The following PLEKHA6 variants were observed in gnomAD, a reference collection of about 807,000 sequenced individuals.
PLEKHA6 encodes the protein pleckstrin homology domain-containing family A member 6.
Under a neutral mutation model 116.7 loss-of-function variants are expected in PLEKHA6, and 60 were observed. That is an observed-to-expected ratio of 0.51 (90% CI 0.42 to 0.64). PLEKHA6 has a LOEUF of 0.64. Ranked by LOEUF, PLEKHA6 falls within the 30% of genes least tolerant of loss-of-function variation. The pLI is 0.00. For missense variants in PLEKHA6, 1,338 were observed against 1,422.7 expected, an observed-to-expected ratio of 0.94 and a Z score of 0.96; for synonymous variants, 489 against 556.1, an observed-to-expected ratio of 0.88 and a Z score of 1.70.
At chr1:204,363,104 C>T (rs966052836), upstream of PLEKHA6, among the ~76,000 whole-genome samples, 8 of 152,378 alleles carry the variant, frequency 5.3e-5, no homozygotes, top group Non-Finnish European at 1.0e-4. Context: ...GTCCTGTCTG[C>T]CTTCTGGAGA....
At chr1:204,337,785 G>A (rs909832396) in intron 1 of PLEKHA6, among the ~76,000 whole-genome samples, 19 of 152,136 alleles carry the variant, frequency 1.2e-4, no homozygotes, top group African/African-American at 3.6e-4. Flanking sequence ...TGGGAGGCAC[G>A]TACCACAATA....
At position 204,244,958 on chromosome 1, in the gene PLEKHA6, C is replaced by T; in HGVS notation, c.2078G>A (p.Ser693Asn). 6.8e-7 allele frequency: 1 copy of T among 1,468,840 alleles called. No individual in the cohort carries two copies. The highest frequency in any genetic ancestry group is 9.0e-7 in the Non-Finnish European group (1 of 1,107,820). 91.0% of individuals were successfully genotyped at this position (1,468,840 alleles called of 1,614,324 possible). ...SATYSSNSPA[S>N]PLSSASLTSP... Reference sequence around the variant, plus strand: ...GGTGAGGCTGGCAGAGCTGAGGGGGCTGGCCGGGCTGTTGGAGCTGTAGGT... The same window carrying T: ...GGTGAGGCTGGCAGAGCTGAGGGGGTTGGCCGGGCTGTTGGAGCTGTAGGT... Residue 693 changes from serine (S) to asparagine (N), a missense_variant, in exon 15 of 23, where the codon AGC becomes AAC. By Grantham distance (46) the Ser-to-Asn change is conservative. Coordinates refer to ENST00000272203, the MANE Select transcript of PLEKHA6 (RefSeq NM_014935.5).
At chr1:204,343,140 G>T (rs761697257) in intron 1 of PLEKHA6, among the ~76,000 whole-genome samples, 1 of 152,124 alleles carries the variant, frequency 6.6e-6, no homozygotes, top group Non-Finnish European at 1.5e-5. Context: ...TCAGTACAAT[G>T]AGCTCAATTT....
At chr1:204,294,780 C>T (rs1450610308) in intron 1 of PLEKHA6, among the ~76,000 whole-genome samples, 1 of 152,150 alleles carries the variant, frequency 6.6e-6, no homozygotes, top group East Asian at 1.9e-4. Context: ...TACGGACCTT[C>T]TTCATGGGTT....
intron 1 of PLEKHA6, among the ~76,000 whole-genome samples, chr1:204,344,627 A>C (rs1289404160): frequency 6.6e-6 from 1 of 151,840 alleles, no homozygotes; most frequent in East Asian, 1.9e-4. Flanking sequence ...AGAAATATTT[A>C]AAAATATATA....
intron 1 of PLEKHA6, chr1:204,317,410 T>G (rs938542632): frequency 6.5e-6 from 1 of 154,104 alleles, no homozygotes; most frequent in African/African-American, 2.4e-5. Flanking sequence ...GAATGCAAGC[T>G]CGGCCCCACC....
At chr1:204,342,255 C>T (rs574282260) in intron 1 of PLEKHA6, among the ~76,000 whole-genome samples, 1 of 152,236 alleles carries the variant, frequency 6.6e-6, no homozygotes, top group South Asian at 2.1e-4. Context: ...GCTTGTAGTC[C>T]CAGCTATTCG....
chr1:204,265,673 T>C (rs543967587), intron 5 of PLEKHA6, among the ~76,000 whole-genome samples: 2 of 152,328 alleles, frequency 1.3e-5, no homozygotes, highest in South Asian at 4.1e-4. Context: ...CTATCCCACC[T>C]TCTGCTCTCT....
At chr1:204,300,453 T>G (rs540616707) in intron 1 of PLEKHA6, among the ~76,000 whole-genome samples, 1 of 152,222 alleles carries the variant, frequency 6.6e-6, no homozygotes, top group Non-Finnish European at 1.5e-5. Flanking sequence ...TTGGCTCTCA[T>G]AGCCCCGACA....
In PLEKHA6 at chr1:204,257,233, C is replaced by A; in HGVS notation, c.1524+120G>T. 1 of 970,556 alleles carries A rather than the reference C, an allele frequency of 1.0e-6. No individual in the cohort carries two copies. The highest frequency in any genetic ancestry group is 1.6e-6 in the Non-Finnish European group (1 of 640,578). The allele number at this position is 970,556 out of a possible 1,614,324, so 60.1% of individuals were successfully genotyped here. ...TGGGCAGCACTGCTGGTCCTGCAGA[C>A]AAACGGCCCAGTGGCCCCGTGGCAC... On this transcript the variant is annotated intron_variant, in intron 9 of 22. Transcript: ENST00000272203. The surrounding 1 kb of genome is among the most constrained non-coding windows in gnomAD (Gnocchi z 6.5).
intron 1 of PLEKHA6, among the ~76,000 whole-genome samples, chr1:204,348,870 A>G (rs1209349350): frequency 4.6e-5 from 7 of 152,156 alleles, no homozygotes; most frequent in Non-Finnish European, 1.0e-4. Context: ...TTTCCTGTCA[A>G]AAAACCTCCC....
chr1:204,240,159 T>C (rs1350503248), intron 17 of PLEKHA6, among the ~76,000 whole-genome samples: 1 of 152,198 alleles, frequency 6.6e-6, no homozygotes, highest in Non-Finnish European at 1.5e-5. Context: ...AGGAGGAATA[T>C]GCATGGAATA....
intron 1 of PLEKHA6, among the ~76,000 whole-genome samples, chr1:204,292,451 A>G (rs886115540): frequency 6.6e-6 from 1 of 152,188 alleles, no homozygotes; most frequent in African/African-American, 2.4e-5. Context: ...GACCTGGCTG[A>G]TGCCCACCTA....
chr1:204,267,592 G>A (rs746923834), intron 4 of PLEKHA6, 45 bp from the exon 5 acceptor site: 27 of 1,526,476 alleles, frequency 1.8e-5, no homozygotes, highest in African/African-American at 1.2e-4. Flanking sequence ...CAAGCTGGAC[G>A]TGGACGAGGA....
At chr1:204,313,518 C>A (rs772473112) in intron 1 of PLEKHA6, 2 of 969,016 alleles carry the variant, frequency 2.1e-6, no homozygotes. Flanking sequence ...TCAGAGCTCA[C>A]ACAAGATGTT....
intron 1 of PLEKHA6, among the ~76,000 whole-genome samples, chr1:204,327,698 C>T (rs940768248): frequency 5.3e-5 from 8 of 152,258 alleles, no homozygotes; most frequent in African/African-American, 1.9e-4. Context: ...GCACAGCCAC[C>T]TGGCTCTCTA....
chr1:204,292,203 T>C (rs143296159), intron 1 of PLEKHA6, among the ~76,000 whole-genome samples: 1 of 152,368 alleles, frequency 6.6e-6, no homozygotes, highest in Non-Finnish European at 1.5e-5. Flanking sequence ...AGGGAAAATA[T>C]CAAATAAAAT....
chr1:204,283,023 G>A (rs992343868), intron 1 of PLEKHA6, among the ~76,000 whole-genome samples: 3 of 152,156 alleles, frequency 2.0e-5, no homozygotes, highest in Non-Finnish European at 4.4e-5. Context: ...CCACCGCCCC[G>A]CCGCCTTCCA....
chr1:204,295,886 C>T (rs1670227697), intron 1 of PLEKHA6, among the ~76,000 whole-genome samples: 1 of 152,154 alleles, frequency 6.6e-6, no homozygotes, highest in Non-Finnish European at 1.5e-5. Flanking sequence ...TGTGACAAAG[C>T]CAGAGCCAGA....
Sources: gnomAD v4.1 joint callset for allele counts (sites outside exome capture counted in the v4.1 genomes callset) on GRCh38, gnomAD v4.1.1 for gene constraint, Gnocchi (gnomAD v3.1) non-coding constraint, MANE v1.5 for transcripts, NCBI Gene and HGNC (gene_info 2026-07-23, HGNC 2026-07-21) for gene names.